DGKH: variants seen among roughly 807,000 people sequenced by gnomAD.
DGKH encodes the protein diacylglycerol kinase eta.
A neutral mutation model predicts 159.3 loss-of-function variants in DGKH; 90 were observed. The ratio of observed to expected loss-of-function variants is 0.57; its 90% CI spans 0.48 to 0.67. DGKH has a LOEUF of 0.67. Ranked by LOEUF, DGKH falls within the 30% of genes least tolerant of loss-of-function variation. DGKH has a pLI of 0.00. For synonymous variants in DGKH, 536 were observed against 553.8 expected (o/e 0.97, Z 0.45); for missense variants, 1,181 against 1,506.1 (o/e 0.78, Z 3.57).
chr13:42,202,992 C>T (rs887395323), intron 20 of DGKH, among the ~76,000 whole-genome samples: 2 of 152,116 alleles, frequency 1.3e-5, no homozygotes, highest in African/African-American at 4.8e-5. Flanking sequence ...AAAAAACAGT[C>T]TTCATCTGTA....
At chr13:42,210,523 G>A in intron 23 of DGKH, 79 bp from the exon 24 acceptor site, 17 of 1,359,166 alleles carry the variant, frequency 1.3e-5, no homozygotes, top group Non-Finnish European at 1.6e-5. Context: ...AAAAGCAATT[G>A]TAGTTTTATT....
rs1346315945 is a variant in DGKH at position 42,199,846 on chromosome 13, C to T, written c.2430C>T (p.Val810=). Residue 810 remains valine, a synonymous_variant, in exon 20 of 30, where the codon GTC becomes GTT. Transcript: ENST00000337343. The stretch of plus-strand genomic sequence containing the variant: ...CTAAAAACTTGATGTGGTATGGAGT[C>T]CTTGGAACCCGGGAGTTATTACAGA... ...SRTKNLMWYG[V]LGTRELLQRS... 6.2e-7 allele frequency: 1 copy of T among 1,612,112 alleles called. No homozygotes were observed. The highest frequency in any genetic ancestry group is 1.3e-5 in the African/African-American group (1 of 74,714).
chr13:42,089,390 T>G (rs1342627735), intron 1 of DGKH, among the ~76,000 whole-genome samples: 1 of 152,234 alleles, frequency 6.6e-6, no homozygotes, highest in Non-Finnish European at 1.5e-5. Flanking sequence ...TTTTTATGGC[T>G]ATGGTGACAA....
At chr13:42,186,640 G>A (rs1956934524) in intron 13 of DGKH, among the ~76,000 whole-genome samples, 1 of 152,138 alleles carries the variant, frequency 6.6e-6, no homozygotes, top group Non-Finnish European at 1.5e-5. Flanking sequence ...TCCATATGAT[G>A]AGTCGTGGCT....
At chr13:42,125,519 G>T (rs1204181528) in intron 1 of DGKH, among the ~76,000 whole-genome samples, 1 of 152,120 alleles carries the variant, frequency 6.6e-6, no homozygotes, top group Non-Finnish European at 1.5e-5. Flanking sequence ...TACTGTTATT[G>T]TATGCTGGAG....
At chr13:42,224,797 A>G (rs985853188) in intron 29 of DGKH, among the ~76,000 whole-genome samples, 2 of 151,690 alleles carry the variant, frequency 1.3e-5, no homozygotes, top group Non-Finnish European at 2.9e-5. Context: ...CCTACCCTTC[A>G]CCTGGTTAAC....
intron 1 of DGKH, among the ~76,000 whole-genome samples, chr13:42,127,209 T>C (rs1244777445): frequency 6.6e-6 from 1 of 152,190 alleles, no homozygotes; most frequent in Non-Finnish European, 1.5e-5. Flanking sequence ...GTATTGCAAG[T>C]ATTAGTGTAT....
intron 1 of DGKH, among the ~76,000 whole-genome samples, chr13:42,105,433 A>G (rs1954732165): frequency 6.6e-6 from 1 of 152,180 alleles, no homozygotes; most frequent in Non-Finnish European, 1.5e-5. Flanking sequence ...CAAGTTTTCA[A>G]CACATGAACT....
chr13:42,054,308 G>A (rs567490093), intron 1 of DGKH, among the ~76,000 whole-genome samples: 1 of 152,230 alleles, frequency 6.6e-6, no homozygotes, highest in Non-Finnish European at 1.5e-5. Context: ...CAAATAGATG[G>A]GAAACAGAAA....
At chr13:42,169,385 G>C (rs1956391468) in intron 11 of DGKH, among the ~76,000 whole-genome samples, 1 of 152,150 alleles carries the variant, frequency 6.6e-6, no homozygotes, top group African/African-American at 2.4e-5. Flanking sequence ...TGTTTATGCT[G>C]TTCTTGATCA....
At chr13:42,083,344 T>A (rs1954243966) in intron 1 of DGKH, among the ~76,000 whole-genome samples, 1 of 150,450 alleles carries the variant, frequency 6.6e-6, no homozygotes, top group Non-Finnish European at 1.5e-5. Context: ...CTGTAAGTAG[T>A]GGTATGACGT....
At chr13:42,189,798 T>C (rs35535159) in intron 15 of DGKH, among the ~76,000 whole-genome samples, 18,116 of 151,960 alleles carry the variant, frequency 0.12, 1,535 homozygotes, top group East Asian at 0.4. Flanking sequence ...TCCCGAGTAG[T>C]TGGGACCACA....
intron 29 of DGKH, among the ~76,000 whole-genome samples, chr13:42,222,297 C>A (rs533824977): frequency 2.6e-5 from 4 of 152,254 alleles, no homozygotes; most frequent in African/African-American, 9.6e-5. Flanking sequence ...TATCATAATA[C>A]AGAGAATTCC....
intron 30 of DGKH, chr13:42,255,848 T>G: frequency 1.2e-6 from 1 of 806,370 alleles, no homozygotes; most frequent in South Asian, 2.2e-5. Context: ...CAGCCCATTT[T>G]TATCTTCAAA....
intron 1 of DGKH, among the ~76,000 whole-genome samples, chr13:42,062,574 A>G (rs1882263999): frequency 6.6e-6 from 1 of 152,196 alleles, no homozygotes; most frequent in African/African-American, 2.4e-5. Flanking sequence ...GGGGGAACCA[A>G]AGAAATATGT....
At chr13:42,115,104 C>T (rs540661658) in intron 1 of DGKH, among the ~76,000 whole-genome samples, 403 of 152,242 alleles carry the variant, frequency 2.6e-3, no homozygotes, top group Non-Finnish European at 3.9e-3. Context: ...ATGGTGGAGG[C>T]GGAAGTGGAA....
At chr13:42,215,165 T>G (rs1215555295) in intron 25 of DGKH, among the ~76,000 whole-genome samples, 1 of 152,062 alleles carries the variant, frequency 6.6e-6, no homozygotes, top group African/African-American at 2.4e-5. Flanking sequence ...AGCGTTTTTT[T>G]TTTTAATTAT....
chr13:42,083,919 T>C (rs1954256603), intron 1 of DGKH, among the ~76,000 whole-genome samples: 1 of 152,164 alleles, frequency 6.6e-6, no homozygotes, highest in Non-Finnish European at 1.5e-5. Flanking sequence ...TCAAGAAGCA[T>C]GAACGACACG....
intron 13 of DGKH, among the ~76,000 whole-genome samples, chr13:42,186,786 A>G (rs1594168870): frequency 6.6e-6 from 1 of 152,228 alleles, no homozygotes; most frequent in Non-Finnish European, 1.5e-5. Context: ...AATAATTTAA[A>G]TGTTTGAGGA....
Sources: gnomAD v4.1 joint callset for allele counts (sites outside exome capture counted in the v4.1 genomes callset) on GRCh38, gnomAD v4.1.1 for gene constraint, MANE v1.5 for transcripts, NCBI Gene and HGNC (gene_info 2026-07-23, HGNC 2026-07-21) for gene names.